Variants in TNFRSF10D observed in about 807,000 individuals in gnomAD.
The protein encoded by TNFRSF10D is tumor necrosis factor receptor superfamily member 10D.
Under a neutral mutation model 42.1 loss-of-function variants are expected in TNFRSF10D, and 28 were observed. That is an observed-to-expected ratio of 0.66 (90% CI 0.49 to 0.91). The LOEUF (loss-of-function observed/expected upper bound fraction) is 0.91, where lower values mean the gene tolerates loss of function less well. Ranked by LOEUF, TNFRSF10D falls within the 40% of genes least tolerant of loss-of-function variation. The pLI, the probability that TNFRSF10D is intolerant of heterozygous loss-of-function variation, is 0.00. For missense variants in TNFRSF10D, 503 were observed against 486.1 expected, an observed-to-expected ratio of 1.03 and a Z score of -0.33; for synonymous variants, 186 against 189.4, an observed-to-expected ratio of 0.98 and a Z score of 0.15.
chr8:23,140,767 C>T (rs959689768), intron 7 of TNFRSF10D, among the ~76,000 whole-genome samples: 9 of 152,152 alleles, frequency 5.9e-5, no homozygotes, highest in Non-Finnish European at 8.8e-5. Context: ...TCTTGCCTGT[C>T]GCCATGTAAG....
rs191751553 is a variant in TNFRSF10D at position 23,144,604 on chromosome 8, C to T, written c.800G>A (p.Arg267Gln). 1.2e-5 allele frequency: 19 copies of T among 1,614,080 alleles called. No individual in the cohort carries two copies. The highest frequency in any genetic ancestry group is 1.0e-4 in the Admixed American group (6 of 60,010). ...GGCATTGTCCTCCGCCCCAGGAACT[C>T]GTGAAGGACATGAACGCCGCCGGAA... ...VLFRRRSCPS[R>Q]VPGAEDNARN... The change falls in exon 7 of 9, where the codon CGA becomes CAA. Residue 267 changes from arginine to glutamine, a missense_variant. Coordinates refer to ENST00000312584, the MANE Select transcript of TNFRSF10D (RefSeq NM_003840.5).
intron 2 of TNFRSF10D, among the ~76,000 whole-genome samples, chr8:23,152,445 C>G (rs1800223633): frequency 6.6e-6 from 1 of 152,218 alleles, no homozygotes. Flanking sequence ...GTTCACACTG[C>G]TCTGCTGTGA....
At chr8:23,145,948 G>C in intron 4 of TNFRSF10D, 27 bp from the exon 5 acceptor site, 1 of 1,613,638 alleles carries the variant, frequency 6.2e-7, no homozygotes, top group Non-Finnish European at 8.5e-7. Flanking sequence ...AGGGAGACAG[G>C]GACTCTTGAT....
chr8:23,138,738 G>A (rs368226873), intron 7 of TNFRSF10D, among the ~76,000 whole-genome samples: 15 of 152,260 alleles, frequency 9.9e-5, no homozygotes, highest in East Asian at 7.7e-4. Flanking sequence ...TATCAATAGC[G>A]TAATTAAATA....
At chr8:23,150,255 T>C (rs1406719805) in intron 2 of TNFRSF10D, among the ~76,000 whole-genome samples, 2 of 152,144 alleles carry the variant, frequency 1.3e-5, no homozygotes, top group Non-Finnish European at 2.9e-5. Flanking sequence ...CTGGCTGACA[T>C]CTGCAGACCC....
rs1800110392 is a variant in TNFRSF10D, at chr8:23,145,757, A to G, written c.647T>C (p.Ile216Thr). The change falls in exon 5 of 9, where the codon ATA becomes ACA. Residue 216 changes from isoleucine to threonine, a missense_variant. Ile to Thr is a moderately conservative substitution (Grantham distance 89, BLOSUM62 -1). Coordinates refer to ENST00000312584, the MANE Select transcript of TNFRSF10D (RefSeq NM_003840.5). ...LASPYHYLII[I>T]VVLVIILAVV... ...AGCTAAAATGATGACTAAAACCACTATGATGATAAGGTAGTGATAGGGAGA... is the reference window on the plus strand; with the variant it reads ...AGCTAAAATGATGACTAAAACCACTGTGATGATAAGGTAGTGATAGGGAGA... The G allele has an allele frequency of 1.2e-6, 2 of 1,614,198 alleles. No individual in the cohort carries two copies. Among genetic ancestry groups the G allele is most frequent in the Non-Finnish European group, 1.7e-6 (2 of 1,180,030 alleles).
intron 2 of TNFRSF10D, among the ~76,000 whole-genome samples, chr8:23,152,091 T>C (rs1800219142): frequency 6.6e-6 from 1 of 152,238 alleles, no homozygotes. Context: ...CAGTTTTAAG[T>C]TATCTCTACT....
Position 23,137,756 on chromosome 8 carries a change from G to A in TNFRSF10D, c.*114C>T, listed in dbSNP as rs1344679111. 7.2e-7 allele frequency: 1 copy of A among 1,386,476 alleles called. No individual in the cohort carries two copies. Among genetic ancestry groups the A allele is most frequent in the Non-Finnish European group, 9.8e-7 (1 of 1,022,404 alleles). 85.9% of individuals were successfully genotyped at this position (1,386,476 alleles called of 1,614,324 possible). The stretch of plus-strand genomic sequence containing the variant: ...ACCATTGGTAAGCTGCCCCATATTG[G>A]ATAGTAGAGTTTGTTGGGGCATGGG... On this transcript the variant is annotated 3_prime_UTR_variant, in exon 9 of 9. Transcript: ENST00000312584.
At position 23,145,717 on chromosome 8, in the gene TNFRSF10D, G is replaced by C; in HGVS notation, c.687C>G (p.Gly229=). The stretch of plus-strand genomic sequence containing the variant: ...AAATGAATTTCTTCCGACATGAAAA[G>C]CCAACCACAACCACAGCTAAAATGA... ...LVIILAVVVV[G]FSCRKKFISY... is the part of the protein sequence containing the mutation. Residue 229 remains glycine, a synonymous_variant, in exon 5 of 9, where the codon GGC becomes GGG. Transcript: ENST00000312584. The C allele has an allele frequency of 1.2e-6, 2 of 1,614,192 alleles. No individual in the cohort carries two copies.
In TNFRSF10D at chr8:23,148,481, G is replaced by A; in HGVS notation, c.327C>T (p.Ser109=). Residue 109 remains serine, a synonymous_variant, in exon 3 of 9, where the codon TCC becomes TCT. Coordinates refer to ENST00000312584, the MANE Select transcript of TNFRSF10D (RefSeq NM_003840.5). ...ATAGCAGGCAAGAAGGCAAATTGTT[G>A]GAAGCAATGGTGTAATCCACACCCT... The part of the protein sequence containing the change: ...CTEGVDYTIA[S]NNLPSCLLCT... 1 of 1,610,850 alleles carries A rather than the reference G, an allele frequency of 6.2e-7. No individual in the cohort carries two copies. The highest frequency in any genetic ancestry group is 1.1e-5 in the South Asian group (1 of 91,000).
Position 23,148,486 on chromosome 8 carries a change from C to A in TNFRSF10D, c.322G>T (p.Ala108Ser), listed in dbSNP as rs749266965. 1 of 1,611,048 alleles carries A rather than the reference C, an allele frequency of 6.2e-7. No homozygotes were observed. The highest frequency in any genetic ancestry group is 8.5e-7 in the Non-Finnish European group (1 of 1,178,038). ...AGGCAAGAAGGCAAATTGTTGGAAG[C>A]AATGGTGTAATCCACACCCTCTGTG... ...PCTEGVDYTIASNNLPSCLLC... is the reference protein window; with the variant it reads ...PCTEGVDYTISSNNLPSCLLC... Residue 108 changes from alanine to serine, a missense_variant, in exon 3 of 9, where the codon GCT becomes TCT. Transcript: ENST00000312584.
chr8:23,140,945 T>G (rs963357971), intron 7 of TNFRSF10D, among the ~76,000 whole-genome samples: 8 of 152,226 alleles, frequency 5.3e-5, no homozygotes, highest in Admixed American at 5.2e-4. Flanking sequence ...CAACAGCTGA[T>G]GCTTCGGATA....
rs769396528 is a variant in TNFRSF10D, at chr8:23,140,140, C to T, written c.955-1880G>A. Among the ~76,000 whole-genome samples, 102 of 152,188 alleles carry T rather than the reference C, an allele frequency of 6.7e-4. 1 individual carries two copies. The highest frequency in any genetic ancestry group is 2.1e-3 in the African/African-American group (86 of 41,536). On this transcript the variant is annotated intron_variant, in intron 7 of 8. Transcript: ENST00000312584. The stretch of plus-strand genomic sequence containing the variant: ...CCACCTCTACTAAAAATACAAAAAA[C>T]TAACCAGGCGTGGCAGTGTGCGCCT...
At chr8:23,143,173 T>G (rs917859219) in intron 7 of TNFRSF10D, among the ~76,000 whole-genome samples, 1 of 152,054 alleles carries the variant, frequency 6.6e-6, no homozygotes, top group African/African-American at 2.4e-5. Context: ...AGGTGGGGTT[T>G]CACCATGTTG....
chr8:23,136,020 A>G lies in TNFRSF10D; in HGVS notation c.*1850T>C. The G allele has an allele frequency of 2.4e-6, 1 of 417,924 alleles. No individual in the cohort carries two copies. Among genetic ancestry groups the G allele is most frequent in the Non-Finnish European group, 4.8e-6 (1 of 210,236 alleles). 25.9% of individuals were successfully genotyped at this position (417,924 alleles called of 1,614,324 possible). A position where few individuals can be genotyped will look rare whatever the true frequency, so the allele number is the denominator to read the frequency against. On this transcript the variant is annotated 3_prime_UTR_variant, in exon 9 of 9. Coordinates refer to ENST00000312584, the MANE Select transcript of TNFRSF10D (RefSeq NM_003840.5). ...ACCGGAAAGGCCATCCCCTCCTAAA[A>G]CTCCATGGACACAACAATCTGAATG...
chr8:23,136,225 GT>G lies in TNFRSF10D; in HGVS notation c.*1644del. On this transcript the variant is annotated 3_prime_UTR_variant, in exon 9 of 9. Coordinates refer to ENST00000312584, the MANE Select transcript of TNFRSF10D (RefSeq NM_003840.5). Reference sequence around the variant, plus strand: ...GAAAGAAGCTAAAACGATTACTGAGGTTTTTAAATAAAATAATGGAACGTGA... The same window carrying G: ...GAAAGAAGCTAAAACGATTACTGAGGTTTTAAATAAAATAATGGAACGTGA... 1 of 239,878 alleles carries G rather than the reference GT, an allele frequency of 4.2e-6. No individual in the cohort carries two copies. 14.9% of individuals were successfully genotyped at this position (239,878 alleles called of 1,614,324 possible).
chr8:23,146,842 G>A, intron 4 of TNFRSF10D, 119 bp downstream of exon 4: 2 of 829,300 alleles, frequency 2.4e-6, no homozygotes, highest in South Asian at 1.6e-5. Flanking sequence ...AACCCCACAG[G>A]CTCAGGGAGG....
chr8:23,160,985 T>G (rs2128840157), intron 1 of TNFRSF10D, among the ~76,000 whole-genome samples: 1 of 152,368 alleles, frequency 6.6e-6, no homozygotes, highest in South Asian at 2.1e-4. Flanking sequence ...CACCCCAGTC[T>G]TCAGAAGCTT....
In TNFRSF10D at chr8:23,137,323, A is replaced by G. The variant is rs930934020; in HGVS notation, c.*547T>C. 1.3e-5 allele frequency: 2 copies of G among 152,478 alleles called. No homozygotes were observed. The highest frequency in any genetic ancestry group is 2.9e-5 in the Non-Finnish European group (2 of 68,226). 9.4% of individuals were successfully genotyped at this position (152,478 alleles called of 1,614,324 possible). A position where few individuals can be genotyped will look rare whatever the true frequency, so the allele number is the denominator to read the frequency against. On this transcript the variant is annotated 3_prime_UTR_variant, in exon 9 of 9. Coordinates refer to ENST00000312584, the MANE Select transcript of TNFRSF10D (RefSeq NM_003840.5). ...AATCCCGTTCTAAAGTTAAAAAACTATAAGGCAAAGCATTGTGGCTGTGCG... is the reference window on the plus strand; with the variant it reads ...AATCCCGTTCTAAAGTTAAAAAACTGTAAGGCAAAGCATTGTGGCTGTGCG...
Sources: gnomAD v4.1 joint callset for allele counts (sites outside exome capture counted in the v4.1 genomes callset) on GRCh38, gnomAD v4.1.1 for gene constraint, MANE v1.5 for transcripts, NCBI Gene and HGNC (gene_info 2026-07-23, HGNC 2026-07-21) for gene names.